The following MICU3 variants were observed in gnomAD, a reference collection of about 807,000 sequenced individuals.
MICU3 encodes the protein calcium uptake protein 3, mitochondrial.
MICU3 carries 62 observed loss-of-function variants against 66.5 expected under a neutral mutation model. That is an observed-to-expected ratio of 0.93 (90% CI 0.76 to 1.15). The LOEUF (loss-of-function observed/expected upper bound fraction) is 1.15, where lower values mean the gene tolerates loss of function less well. MICU3 is among the 50% of genes most tolerant of loss of function. The probability of loss-of-function intolerance (pLI) is 0.00; values close to 1 mark genes in which losing one functional copy is unlikely to be tolerated. For missense variants in MICU3, 779 were observed against 664.4 expected, an observed-to-expected ratio of 1.17 and a Z score of -1.90; for synonymous variants, 308 against 240.7, an observed-to-expected ratio of 1.28 and a Z score of -2.59.
At chr8:17,092,399 A>C (rs2150766926) in intron 8 of MICU3, among the ~76,000 whole-genome samples, 1 of 152,182 alleles carries the variant, frequency 6.6e-6, no homozygotes, top group African/African-American at 2.4e-5. Flanking sequence ...TGAGACATTA[A>C]GACAATATTG....
At chr8:17,033,422 T>G (rs1193531620) in intron 1 of MICU3, among the ~76,000 whole-genome samples, 1 of 152,050 alleles carries the variant, frequency 6.6e-6, no homozygotes, top group African/African-American at 2.4e-5. Context: ...TAATCCAGAT[T>G]AAGGCCTTAA....
chr8:17,031,171 T>C (rs57202700), intron 1 of MICU3, among the ~76,000 whole-genome samples: 38,119 of 151,536 alleles, frequency 0.25, 5,025 homozygotes, highest in East Asian at 0.39. Flanking sequence ...TGGGCTATTA[T>C]TGCACCACTC....
chr8:17,060,479 T>G (rs753631551), intron 1 of MICU3, among the ~76,000 whole-genome samples: 106 of 152,158 alleles, frequency 7.0e-4, no homozygotes, highest in Middle Eastern at 3.4e-3. Flanking sequence ...ACCCGGCCAA[T>G]TTTTGTATTT....
At chr8:17,083,231 G>A (rs1263006252) in intron 5 of MICU3, among the ~76,000 whole-genome samples, 1 of 152,062 alleles carries the variant, frequency 6.6e-6, no homozygotes, top group Non-Finnish European at 1.5e-5. Flanking sequence ...TTATCGCTCT[G>A]TGTAGTGACA....
chr8:17,045,067 G>A (rs1201893454), intron 1 of MICU3, among the ~76,000 whole-genome samples: 2 of 151,676 alleles, frequency 1.3e-5, no homozygotes, highest in African/African-American at 2.4e-5. Flanking sequence ...AAGGAAAATT[G>A]GAGAATGAAT....
chr8:17,091,027 G>A (rs1024141943), intron 8 of MICU3, among the ~76,000 whole-genome samples: 3 of 151,696 alleles, frequency 2.0e-5, no homozygotes, highest in Non-Finnish European at 4.4e-5. Context: ...TTTCACTTTT[G>A]CTCACAATTT....
At chr8:17,065,595 G>A (rs1818556711) in intron 2 of MICU3, among the ~76,000 whole-genome samples, 1 of 152,140 alleles carries the variant, frequency 6.6e-6, no homozygotes, top group Admixed American at 6.5e-5. Context: ...AATCATAAGG[G>A]TATGTAGTCA....
At chr8:17,078,772 G>T (rs3850758) in intron 4 of MICU3, among the ~76,000 whole-genome samples, 1 of 151,876 alleles carries the variant, frequency 6.6e-6, no homozygotes, top group Non-Finnish European at 1.5e-5. Flanking sequence ...CATAGAATCT[G>T]AAAGGAAGAG....
At chr8:17,039,472 G>A (rs375613089) in intron 1 of MICU3, among the ~76,000 whole-genome samples, 7 of 152,292 alleles carry the variant, frequency 4.6e-5, no homozygotes, top group Non-Finnish European at 7.4e-5. Context: ...TCAAGTGCAC[G>A]AGAGTCTGGA....
At chr8:17,082,881 A>C (rs1176375472) in intron 5 of MICU3, among the ~76,000 whole-genome samples, 1 of 152,184 alleles carries the variant, frequency 6.6e-6, no homozygotes, top group South Asian at 2.1e-4. Flanking sequence ...GAATGTGTAC[A>C]TGCACTCACA....
intron 5 of MICU3, among the ~76,000 whole-genome samples, chr8:17,082,822 A>G (rs1276102108): frequency 6.6e-6 from 1 of 152,172 alleles, no homozygotes; most frequent in East Asian, 1.9e-4. Context: ...TAACTTAGCG[A>G]GGAATGACGT....
At chr8:17,119,556 G>GATAGATAGCTAA (rs1554541260) in intron 14 of MICU3, among the ~76,000 whole-genome samples, 1 of 150,972 alleles carries the variant, frequency 6.6e-6, no homozygotes, top group African/African-American at 2.4e-5. Flanking sequence ...TAGATAGATA[G>GATAGATAGCTAA]ATAGATAGAT....
At chr8:17,109,606 C>T (rs966503904) in intron 11 of MICU3, among the ~76,000 whole-genome samples, 3 of 152,124 alleles carry the variant, frequency 2.0e-5, no homozygotes, top group African/African-American at 7.2e-5. Context: ...CTTATGCTAA[C>T]TCTGGAAGGA....
downstream of MICU3, among the ~76,000 whole-genome samples, chr8:17,125,817 G>A (rs1242439780): frequency 6.6e-6 from 1 of 151,896 alleles, no homozygotes; most frequent in Non-Finnish European, 1.5e-5. Flanking sequence ...TGGATCACGA[G>A]TCAGGAGTTC....
intron 2 of MICU3, among the ~76,000 whole-genome samples, chr8:17,065,932 A>G (rs940576494): frequency 1.3e-5 from 2 of 152,218 alleles, no homozygotes; most frequent in African/African-American, 4.8e-5. Flanking sequence ...ACAAGAAACT[A>G]TGAGAGTAAC....
chr8:17,125,620 G>A (rs139083263), downstream of MICU3, among the ~76,000 whole-genome samples: 949 of 152,254 alleles, frequency 6.2e-3, 50 homozygotes, highest in Admixed American at 0.059. Context: ...TCGCCTGCCT[G>A]GCAGTTTAAA....
At chr8:17,108,430 T>C (rs1336609229) in intron 11 of MICU3, among the ~76,000 whole-genome samples, 13 of 152,158 alleles carry the variant, frequency 8.5e-5, no homozygotes, top group Admixed American at 8.5e-4. Flanking sequence ...TGTCTTAGAC[T>C]TAATGGTTGC....
chr8:17,130,519 A>G, the MICU3 span, among the ~76,000 whole-genome samples: 1 of 152,166 alleles, frequency 6.6e-6, no homozygotes, highest in East Asian at 1.9e-4. Context: ...TCTCAAAAAA[A>G]AAAAGAGAAA....
chr8:17,091,529 A>G (rs1411598705), intron 8 of MICU3, among the ~76,000 whole-genome samples: 1 of 152,072 alleles, frequency 6.6e-6, no homozygotes, highest in Non-Finnish European at 1.5e-5. Flanking sequence ...TCCAAACTAT[A>G]AAAACTAATT....
Sources: gnomAD v4.1 joint callset for allele counts (sites outside exome capture counted in the v4.1 genomes callset) on GRCh38, gnomAD v4.1.1 for gene constraint, MANE v1.5 for transcripts, NCBI Gene and HGNC (gene_info 2026-07-23, HGNC 2026-07-21) for gene names.